The following EP400 variants were observed in gnomAD, a reference collection of about 807,000 sequenced individuals.
EP400 encodes the protein E1A binding protein p400.
In EP400, 105 loss-of-function variants were observed where a neutral mutation model predicts 354.1. The observed-to-expected ratio is 0.30, with a 90% confidence interval of 0.25 to 0.35. The LOEUF (loss-of-function observed/expected upper bound fraction) is 0.35. Ranked by LOEUF, EP400 falls within the 10% of genes least tolerant of loss-of-function variation. The pLI is 1.00. For synonymous variants in EP400, 1,646 were observed against 1,716.9 expected (o/e 0.96, Z 1.02); for missense variants, 3,280 against 4,121.0 (o/e 0.80, Z 5.59).
Position 131,990,630 on chromosome 12 carries a change from A to G in EP400, c.2551-6A>G. 1 of 1,598,330 alleles carries G rather than the reference A, an allele frequency of 6.3e-7. No individual in the cohort carries two copies. The highest frequency in any genetic ancestry group is 8.6e-7 in the Non-Finnish European group (1 of 1,168,620). On this transcript the variant is annotated splice_region_variant and splice_polypyrimidine_tract_variant and intron_variant, in intron 8 of 52. Transcript: ENST00000389561. The surrounding 1 kb of genome is among the most constrained non-coding windows in gnomAD (Gnocchi z 4.2). ...TGTGCTTATTCATTTAATCCTTTGCATTTAGGTTGTGGAAATAAAACTACG... is the reference window on the plus strand; with the variant it reads ...TGTGCTTATTCATTTAATCCTTTGCGTTTAGGTTGTGGAAATAAAACTACG...
intron 2 of EP400, among the ~76,000 whole-genome samples, chr12:131,974,931 A>G (rs1379399614): frequency 7.1e-6 from 1 of 140,112 alleles, no homozygotes; most frequent in Non-Finnish European, 1.5e-5. Flanking sequence ...CAGAGGTTGC[A>G]TTGAGCAGGG....
At chr12:131,970,743 A>T (rs1008830365) in intron 2 of EP400, among the ~76,000 whole-genome samples, 1 of 152,180 alleles carries the variant, frequency 6.6e-6, no homozygotes, top group African/African-American at 2.4e-5. Flanking sequence ...CTTTATTGAG[A>T]TATAATTGGC....
intron 45 of EP400, among the ~76,000 whole-genome samples, chr12:132,060,930 CAAAA>C (rs1895672976): frequency 7.3e-6 from 1 of 136,128 alleles, no homozygotes; most frequent in Non-Finnish European, 1.6e-5. Flanking sequence ...AAAAAAAAAA[CAAAA>C]AACAAAACAA....
intron 2 of EP400, among the ~76,000 whole-genome samples, chr12:131,966,396 C>G (rs1395438295): frequency 6.6e-6 from 1 of 151,714 alleles, no homozygotes; most frequent in East Asian, 1.9e-4. Context: ...TGGTGAAACC[C>G]TGTCTCTGCT....
chr12:132,027,468 C>T lies in EP400; in HGVS notation c.5046C>T (p.Ala1682=). ...VGVPGRVAVN[A]LAVGEPGTAS... The stretch of plus-strand genomic sequence containing the variant: ...TTCCGGGCCGCGTGGCGGTGAATGC[C>T]TTGGCTGTAGGAGAACCCGGAACGG... Residue 1682 remains alanine (A), a synonymous_variant, in exon 26 of 53, where the codon GCC becomes GCT. Coordinates refer to ENST00000389561, the MANE Select transcript of EP400 (RefSeq NM_015409.5). This position sits in a 1 kb window ranked among gnomAD's most constrained non-coding sequence, Gnocchi z 4.9. The T allele has an allele frequency of 1.2e-6, 2 of 1,614,056 alleles. No homozygotes were observed. Among genetic ancestry groups the T allele is most frequent in the Non-Finnish European group, 1.7e-6 (2 of 1,180,020 alleles).
At chr12:132,028,315 G>A (rs769054663) in intron 27 of EP400, 27 bp downstream of exon 27, 2 of 1,603,492 alleles carry the variant, frequency 1.2e-6, no homozygotes, top group South Asian at 1.1e-5. Context: ...GACCTTTTCG[G>A]TGCTCTCTGG....
chr12:131,962,619 T>C (rs896295330), intron 2 of EP400, among the ~76,000 whole-genome samples: 1 of 152,228 alleles, frequency 6.6e-6, no homozygotes, highest in African/African-American at 2.4e-5. Context: ...TATTAAGTGA[T>C]ATTTAAGAGT....
chr12:131,991,576 CT>C (rs878864752), intron 10 of EP400, 120 bp downstream of exon 10: 87,962 of 579,296 alleles, frequency 0.15, no homozygotes, highest in Middle Eastern at 0.21. Flanking sequence ...CCTTTCTTTT[CT>C]TTTTTTTTTT....
chr12:132,037,237 TAGAA>T lies in EP400; in HGVS notation c.5952-441_5952-438del, dbSNP rs148230679. 2.9e-3 allele frequency among the ~76,000 whole-genome samples: 444 copies of T among 152,210 alleles called. 4 individuals carry two copies. The highest frequency in any genetic ancestry group is 0.01 in the African/African-American group (430 of 41,510). Reference sequence around the variant, plus strand: ...TGTGGGTCTGGTAGTGTACCGGGGTTAGAAAGAGAAAAACGCCCATAATTACATG... The same window carrying T: ...TGTGGGTCTGGTAGTGTACCGGGGTTAGAGAAAAACGCCCATAATTACATG... On this transcript the variant is annotated intron_variant, in intron 30 of 52. Coordinates refer to ENST00000389561, the MANE Select transcript of EP400 (RefSeq NM_015409.5).
At chr12:131,996,551 G>A (rs573754116) in intron 12 of EP400, among the ~76,000 whole-genome samples, 3 of 152,116 alleles carry the variant, frequency 2.0e-5, no homozygotes, top group East Asian at 3.9e-4. Context: ...TCAGCCTCCC[G>A]AAGTGCTGGG....
At chr12:131,985,695 C>T (rs1361781603) in intron 5 of EP400, among the ~76,000 whole-genome samples, 1 of 152,210 alleles carries the variant, frequency 6.6e-6, no homozygotes, top group East Asian at 1.9e-4. Context: ...ACAACCTCCG[C>T]CTCTTGGGTT....
Position 132,017,528 on chromosome 12 carries a change from C to T in EP400, c.3924-7C>T, listed in dbSNP as rs774137506. On this transcript the variant is annotated splice_polypyrimidine_tract_variant and splice_region_variant and intron_variant, in intron 19 of 52. Coordinates refer to ENST00000389561, the MANE Select transcript of EP400 (RefSeq NM_015409.5). The surrounding 1 kb of genome is among the most constrained non-coding windows in gnomAD (Gnocchi z 5.0). Reference sequence around the variant, plus strand: ...TGAATGCTTCGTGTTTCTTTCTCCACGGGCAGCACTCAGGAGGCCTTGAAG... The same window carrying T: ...TGAATGCTTCGTGTTTCTTTCTCCATGGGCAGCACTCAGGAGGCCTTGAAG... 23 of 1,612,920 alleles carry T rather than the reference C, an allele frequency of 1.4e-5. No homozygotes were observed. The highest frequency in any genetic ancestry group is 6.7e-5 in the East Asian group (3 of 44,850).
rs547998429 is a variant in EP400, at chr12:132,075,078, C to T, written c.9022-1438C>T. Among the ~76,000 whole-genome samples the T allele has an allele frequency of 6.6e-6, 1 of 152,312 alleles. No homozygotes were observed. The highest frequency in any genetic ancestry group is 6.5e-5 in the Admixed American group (1 of 15,300). ...GAATCTGTGTCTCCTCCTCTCTCCTCCCCGGCACTGAGGCTTAGGGCAGGT... is the reference window on the plus strand; with the variant it reads ...GAATCTGTGTCTCCTCCTCTCTCCTTCCCGGCACTGAGGCTTAGGGCAGGT... On this transcript the variant is annotated intron_variant, in intron 51 of 52. Transcript: ENST00000389561. This position sits in a 1 kb window ranked among gnomAD's most constrained non-coding sequence, Gnocchi z 4.5.
chr12:132,006,282 A>G lies in EP400; in HGVS notation c.3106A>G (p.Ser1036Gly), dbSNP rs752382344. 35 of 1,614,234 alleles carry G rather than the reference A, an allele frequency of 2.2e-5. No individual in the cohort carries two copies. Among genetic ancestry groups the G allele is most frequent in the Non-Finnish European group, 3.0e-5 (35 of 1,180,028 alleles). The change falls in exon 14 of 53, where the codon AGT (serine) becomes GGT (glycine). Residue 1036 changes from serine to glycine, a missense_variant. Physicochemically the swap from Ser to Gly is moderately conservative, Grantham distance 56. Around this residue, in one of 20 missense-constraint regions of EP400, gnomAD observed 800 missense variants for 840.0 expected, o/e 0.95. Transcript: ENST00000389561. ...AVAEAILPKG[S>G]ARVTTSVKFN... ...GGCTGAAGCCATCCTGCCGAAGGGC[A>G]GTGCTCGGGTCACAACCTCGGTGAG...
At chr12:131,970,812 C>T (rs564409122) in intron 2 of EP400, among the ~76,000 whole-genome samples, 1 of 152,156 alleles carries the variant, frequency 6.6e-6, no homozygotes, top group South Asian at 2.1e-4. Flanking sequence ...AGGTGATTAC[C>T]GCAATCAAAT....
At chr12:132,036,855 C>T (rs1894735499) in intron 30 of EP400, among the ~76,000 whole-genome samples, 1 of 152,188 alleles carries the variant, frequency 6.6e-6, no homozygotes, top group Non-Finnish European at 1.5e-5. Context: ...CACTATTTCC[C>T]TTTATCACGT....
At chr12:131,987,555 T>G in intron 6 of EP400, 150 bp from the exon 7 acceptor site, 1 of 621,220 alleles carries the variant, frequency 1.6e-6, no homozygotes, top group Non-Finnish European at 2.6e-6. Context: ...GAATCTTACC[T>G]TTGATATTAA....
At chr12:132,031,896 C>A in intron 29 of EP400, 57 bp from the exon 30 acceptor site, 1 of 1,523,986 alleles carries the variant, frequency 6.6e-7, no homozygotes, top group South Asian at 1.2e-5. Context: ...TGAAACGTGT[C>A]AAAGGTTTCC....
At chr12:131,993,534 T>G (rs911196728) in intron 11 of EP400, among the ~76,000 whole-genome samples, 1 of 152,276 alleles carries the variant, frequency 6.6e-6, no homozygotes, top group African/African-American at 2.4e-5. Context: ...ACCTCTCCGC[T>G]TTCCTTATTT....
Sources: allele counts gnomAD v4.1 joint callset (sites outside exome capture counted in the v4.1 genomes callset), GRCh38; gene constraint gnomAD v4.1.1; regional missense constraint gnomAD v4.1.1; non-coding constraint Gnocchi (gnomAD v3.1); transcripts MANE v1.5; gene names NCBI Gene and HGNC (gene_info 2026-07-23, HGNC 2026-07-21).